The following KLHL11 variants were observed in gnomAD, a reference collection of about 807,000 sequenced individuals.
KLHL11 encodes the protein kelch-like protein 11.
Under a neutral mutation model 56.1 loss-of-function variants are expected in KLHL11, and 26 were observed. The observed-to-expected ratio is 0.46, with a 90% confidence interval of 0.34 to 0.64. The LOEUF (loss-of-function observed/expected upper bound fraction) is 0.64, where lower values mean the gene tolerates loss of function less well. Among genes scored for constraint, KLHL11 ranks in the 30% least tolerant of loss-of-function variants. The pLI is 0.01. For missense variants in KLHL11, 627 were observed against 919.4 expected (o/e 0.68, Z 4.11); for synonymous variants, 338 against 345.8 (o/e 0.98, Z 0.25).
intron 1 of KLHL11, among the ~76,000 whole-genome samples, chr17:41,857,060 G>C (rs2048371034): frequency 1.3e-5 from 2 of 152,046 alleles, no homozygotes; most frequent in African/African-American, 2.4e-5. Flanking sequence ...GCTGGGCAGG[G>C]AGATGCATGC....
Position 41,854,701 on chromosome 17 carries a change from T to C in KLHL11, c.1166A>G (p.Asn389Ser). Residue 389 changes from asparagine (N) to serine (S), a missense_variant, in exon 2 of 2, where the codon AAT becomes AGT. This residue lies in a region of KLHL11 where 106 missense variants were observed against 227.0 expected (regional missense o/e 0.47). Coordinates refer to ENST00000319121, the MANE Select transcript of KLHL11 (RefSeq NM_018143.3). The surrounding 1 kb of genome is among the most constrained non-coding windows in gnomAD (Gnocchi z 4.9). ...GAGGTGATTATGAATATGTGGCAGA[T>C]TTACCCATCTGTCCTCATCAACAAA... is the stretch of plus-strand genomic sequence containing the variant. ...GYFVDEDRWV[N>S]LPHIHNHLDG... The C allele has an allele frequency of 6.2e-7, 1 of 1,614,154 alleles. No individual in the cohort carries two copies. Among genetic ancestry groups the C allele is most frequent in the South Asian group, 1.1e-5 (1 of 91,084 alleles).
rs1251955378 is a variant in KLHL11, at chr17:41,848,830, C to T, written c.*4910G>A. The T allele has an allele frequency of 1.3e-5, 2 of 156,488 alleles. No homozygotes were observed. Among genetic ancestry groups the T allele is most frequent in the Non-Finnish European group, 1.4e-5 (1 of 70,428 alleles). The allele number at this position is 156,488 out of a possible 1,614,324, so 9.7% of individuals were successfully genotyped here. On this transcript the variant is annotated 3_prime_UTR_variant, in exon 2 of 2. Coordinates refer to ENST00000319121, the MANE Select transcript of KLHL11 (RefSeq NM_018143.3). ...AACACCTAGCAAGCACTACTTTTCA[C>T]GAGTGCATTATGCAGGAGGACTAAG... is the stretch of plus-strand genomic sequence containing the variant.
intron 1 of KLHL11, among the ~76,000 whole-genome samples, chr17:41,858,240 T>C (rs1555622724): frequency 1.5e-5 from 2 of 132,676 alleles, no homozygotes; most frequent in African/African-American, 5.5e-5. Flanking sequence ...TTTTTTTTTT[T>C]TGAGACAGAT....
Position 41,853,651 on chromosome 17 carries a change from T to C in KLHL11, c.*89A>G. On this transcript the variant is annotated 3_prime_UTR_variant, in exon 2 of 2. Transcript: ENST00000319121. ...ATAATCAGTTCATGTAGAAAATAAG[T>C]TATCGACATACTTTTTTAAATAACA... 1 of 1,447,864 alleles carries C rather than the reference T, an allele frequency of 6.9e-7. No individual in the cohort carries two copies. The allele number at this position is 1,447,864 out of a possible 1,614,324, so 89.7% of individuals were successfully genotyped here. A position where few individuals can be genotyped will look rare whatever the true frequency, so the allele number is the denominator to read the frequency against.
intron 1 of KLHL11, 27 bp from the exon 2 acceptor site, chr17:41,855,348 T>C: frequency 1.3e-6 from 2 of 1,483,862 alleles, no homozygotes; most frequent in Non-Finnish European, 1.8e-6. Context: ...GAGAAAAGAT[T>C]AATTTTTCAA....
At position 41,849,926 on chromosome 17, in the gene KLHL11, C is replaced by T. The variant is rs1555621895; in HGVS notation, c.*3814G>A. On this transcript the variant is annotated 3_prime_UTR_variant, in exon 2 of 2. Transcript: ENST00000319121. ...TTGGTATAATAACTTCCTCTCTCTTCTACAAACAAAAGCAAAAGCAACAAA... is the reference window on the plus strand; with the variant it reads ...TTGGTATAATAACTTCCTCTCTCTTTTACAAACAAAAGCAAAAGCAACAAA... 2 of 152,182 alleles carry T rather than the reference C, an allele frequency of 1.3e-5. No individual in the cohort carries two copies. Among genetic ancestry groups the T allele is most frequent in the Non-Finnish European group, 2.9e-5 (2 of 68,030 alleles). The allele number at this position is 152,182 out of a possible 1,614,324, so 9.4% of individuals were successfully genotyped here.
At chr17:41,863,519 C>T (rs2883068) in intron 1 of KLHL11, among the ~76,000 whole-genome samples, 1 of 152,092 alleles carries the variant, frequency 6.6e-6, no homozygotes, top group African/African-American at 2.4e-5. Context: ...TTCAGCACAG[C>T]ACTATTCATC....
At chr17:41,857,878 G>A (rs1364550100) in intron 1 of KLHL11, among the ~76,000 whole-genome samples, 3 of 152,080 alleles carry the variant, frequency 2.0e-5, no homozygotes, top group Non-Finnish European at 2.9e-5. Context: ...GTACACTGGC[G>A]CGATCTCTGC....
rs966190952 is a variant in KLHL11 at position 41,865,237 on chromosome 17, G to A, written c.134C>T (p.Thr45Met). ...CCCCGGCCCAGGCCCGAAGTCCACCGTGCCGCTGCCTCGGACCTCGGCGGC... is the reference window on the plus strand; with the variant it reads ...CCCCGGCCCAGGCCCGAAGTCCACCATGCCGCTGCCTCGGACCTCGGCGGC... Reference protein sequence around the residue: ...GLAAEVRGSGTVDFGPGPGIS... With the variant: ...GLAAEVRGSGMVDFGPGPGIS... Residue 45 changes from threonine to methionine, a missense_variant, in exon 1 of 2, where the codon ACG becomes ATG. Coordinates refer to ENST00000319121, the MANE Select transcript of KLHL11 (RefSeq NM_018143.3). 1.9e-5 allele frequency: 30 copies of A among 1,594,700 alleles called. No individual in the cohort carries two copies. The highest frequency in any genetic ancestry group is 2.7e-5 in the African/African-American group (2 of 73,486).
At chr17:41,864,480 T>C (rs1555623340) in intron 1 of KLHL11, among the ~76,000 whole-genome samples, 2 of 152,264 alleles carry the variant, frequency 1.3e-5, no homozygotes, top group Non-Finnish European at 2.9e-5. Context: ...CAGAGGTCGA[T>C]CTAAACTTCA....
Position 41,854,630 on chromosome 17 carries a change from C to G in KLHL11, c.1237G>C (p.Gly413Arg). 6.2e-7 allele frequency: 1 copy of G among 1,614,152 alleles called. No homozygotes were observed. Among genetic ancestry groups the G allele is most frequent in the Non-Finnish European group, 8.5e-7 (1 of 1,180,030 alleles). Residue 413 changes from glycine to arginine, a missense_variant, in exon 2 of 2, where the codon GGA (glycine) becomes CGA (arginine). Coordinates refer to ENST00000319121, the MANE Select transcript of KLHL11 (RefSeq NM_018143.3). This position sits in a 1 kb window ranked among gnomAD's most constrained non-coding sequence, Gnocchi z 4.9. Reference protein sequence around the residue: ...AVTESYVYVAGSMEPGFAKTV... With the variant: ...AVTESYVYVARSMEPGFAKTV... ...TTAGCAAACCCTGGCTCCATTGATC[C>G]AGCAACATACACGTAGGATTCTGTT...
rs1555621919 is a variant in KLHL11 at position 41,850,248 on chromosome 17, CAT to C, written c.*3490_*3491del. On this transcript the variant is annotated 3_prime_UTR_variant, in exon 2 of 2. Coordinates refer to ENST00000319121, the MANE Select transcript of KLHL11 (RefSeq NM_018143.3). ...CACAAGTTATTGATGTGAAATTACA[CAT>C]GTGAATTCAAAAATAAAAATTAGAA... 4.6e-5 allele frequency: 7 copies of C among 152,146 alleles called. No individual in the cohort carries two copies. The highest frequency in any genetic ancestry group is 2.0e-4 in the Admixed American group (3 of 15,256). 9.4% of individuals were successfully genotyped at this position (152,146 alleles called of 1,614,324 possible).
chr17:41,855,358 A>C, intron 1 of KLHL11, 37 bp from the exon 2 acceptor site: 1 of 1,451,508 alleles, frequency 6.9e-7, no homozygotes, highest in Non-Finnish European at 9.3e-7. Context: ...TAATTTTTCA[A>C]ATGTGCATAT....
intron 1 of KLHL11, among the ~76,000 whole-genome samples, chr17:41,858,864 A>G (rs1343762684): frequency 6.6e-6 from 1 of 152,036 alleles, no homozygotes; most frequent in African/African-American, 2.4e-5. Context: ...GTGAGCCACC[A>G]TGCCCAGCCC....
At chr17:41,860,672 T>C (rs2048397257) in intron 1 of KLHL11, among the ~76,000 whole-genome samples, 1 of 152,086 alleles carries the variant, frequency 6.6e-6, no homozygotes, top group South Asian at 2.1e-4. Context: ...CCCATTTTCA[T>C]GCAACAAACC....
chr17:41,855,618 G>A (rs988407319), intron 1 of KLHL11, among the ~76,000 whole-genome samples: 2 of 150,916 alleles, frequency 1.3e-5, no homozygotes, highest in African/African-American at 2.4e-5. Context: ...TGATCCGCCC[G>A]CCTTGGCCTC....
At position 41,853,767 on chromosome 17, in the gene KLHL11, T is replaced by C; in HGVS notation, c.2100A>G (p.Arg700=). 2 of 1,613,012 alleles carry C rather than the reference T, an allele frequency of 1.2e-6. No homozygotes were observed. The highest frequency in any genetic ancestry group is 8.5e-7 in the Non-Finnish European group (1 of 1,179,120). Residue 700 remains arginine, a synonymous_variant, in exon 2 of 2, where the codon CGA becomes CGG. Transcript: ENST00000319121. ...EIHRHALNMR[R]VPSSQIEC is the part of the protein sequence containing the mutation. ...AGCATTCAATCTGAGAGCTTGGCAC[T>C]CGCCTCATGTTCAGGGCGTGACGAT...
Position 41,856,529 on chromosome 17 carries a change from G to GCAA in KLHL11, c.546-1211_546-1209dup, listed in dbSNP as rs375004256. Among the ~76,000 whole-genome samples, 577 of 151,926 alleles carry GCAA rather than the reference G, an allele frequency of 3.8e-3. 5 individuals carry two copies. The highest frequency in any genetic ancestry group is 0.013 in the African/African-American group (537 of 41,404). On this transcript the variant is annotated intron_variant, in intron 1 of 1. Coordinates refer to ENST00000319121, the MANE Select transcript of KLHL11 (RefSeq NM_018143.3). The stretch of plus-strand genomic sequence containing the variant: ...TTACACACAAAATCTGAAAACAACA[G>GCAA]CAACAACAACAACAACAACAAAAAA...
chr17:41,849,276 CTTAAT>C lies in KLHL11; in HGVS notation c.*4459_*4463del, dbSNP rs1433353517. 6.6e-6 allele frequency: 1 copy of C among 152,168 alleles called. No individual in the cohort carries two copies. Among genetic ancestry groups the C allele is most frequent in the Admixed American group, 6.5e-5 (1 of 15,272 alleles). 9.4% of individuals were successfully genotyped at this position (152,168 alleles called of 1,614,324 possible). A position where few individuals can be genotyped will look rare whatever the true frequency, so the allele number is the denominator to read the frequency against. ...ATGTGGCCCGTATACTATATTTAAA[CTTAAT>C]TTGAGAAAAGTATCAAAAAAGAAGT... On this transcript the variant is annotated 3_prime_UTR_variant, in exon 2 of 2. Transcript: ENST00000319121.
Sources: gnomAD v4.1 joint callset for allele counts (sites outside exome capture counted in the v4.1 genomes callset) on GRCh38, gnomAD v4.1.1 for gene constraint, gnomAD v4.1.1 regional missense constraint, Gnocchi (gnomAD v3.1) non-coding constraint, MANE v1.5 for transcripts, NCBI Gene and HGNC (gene_info 2026-07-23, HGNC 2026-07-21) for gene names.